The following RBFOX3 variants were observed in gnomAD, a reference collection of about 807,000 sequenced individuals.
RBFOX3 encodes RNA binding fox-1 homolog 3, also known as RNA binding protein fox-1 homolog 3.
In RBFOX3, 17 loss-of-function variants were observed where a neutral mutation model predicts 48.7. The observed-to-expected ratio is 0.35, with a 90% CI of 0.24 to 0.52. The LOEUF is 0.52. RBFOX3 is among the 20% of genes least tolerant of loss of function. The probability of loss-of-function intolerance (pLI) is 0.94; values close to 1 mark genes in which losing one functional copy is unlikely to be tolerated. For synonymous variants in RBFOX3, 212 were observed against 209.5 expected, an observed-to-expected ratio of 1.01 and a Z score of -0.10; for missense variants, 382 against 497.5, an observed-to-expected ratio of 0.77 and a Z score of 2.21.
chr17:79,097,667 A>AAACC, intron 10 of RBFOX3, 25 bp downstream of exon 10: 1 of 1,031,802 alleles, frequency 9.7e-7, no homozygotes, highest in Non-Finnish European at 1.3e-6. Flanking sequence ...GTCTCATCCC[A>AAACC]TCCCCGCCCC....
the RBFOX3 span, among the ~76,000 whole-genome samples, chr17:79,623,567 C>T: frequency 6.6e-6 from 1 of 152,254 alleles, no homozygotes; most frequent in East Asian, 1.9e-4. Context: ...AATCCCAGCA[C>T]TTTGGGAGGC....
In RBFOX3 at chr17:79,328,693, G is replaced by A. The variant is rs2079726590; in HGVS notation, c.-174-20869C>T. Among the ~76,000 whole-genome samples the A allele has an allele frequency of 3.3e-5, 5 of 152,310 alleles. No individual in the cohort carries two copies. The South Asian group carries it at 1.0e-3, about 32-fold the overall frequency. On this transcript the variant is annotated intron_variant, in intron 2 of 14. Coordinates refer to ENST00000693108, the MANE Select transcript of RBFOX3 (RefSeq NM_001350451.2). ...CCAGGCTTTGAGACCCAAGCAAACT[G>A]CTGGCAACAGAGCGATGGAAGGGGG...
intron 2 of RBFOX3, among the ~76,000 whole-genome samples, chr17:79,330,314 T>C (rs546340460): frequency 1.3e-5 from 2 of 152,308 alleles, no homozygotes; most frequent in East Asian, 1.9e-4. Context: ...TTCACTGCCA[T>C]GCAGGGGCTT....
At chr17:79,463,264 C>T (rs2075723109) in intron 2 of RBFOX3, among the ~76,000 whole-genome samples, 1 of 106,660 alleles carries the variant, frequency 9.4e-6, no homozygotes, top group East Asian at 3.0e-4. Context: ...CCTCCACCAT[C>T]GCCACTGCCA....
At chr17:79,296,708 T>A (rs2074400900) in intron 3 of RBFOX3, among the ~76,000 whole-genome samples, 1 of 137,610 alleles carries the variant, frequency 7.3e-6, no homozygotes, top group Non-Finnish European at 1.6e-5. Context: ...TCTTCCTTTT[T>A]TCCTCTTTCT....
intron 4 of RBFOX3, among the ~76,000 whole-genome samples, chr17:79,119,837 G>C (rs976487214): frequency 6.6e-6 from 1 of 152,174 alleles, no homozygotes; most frequent in African/African-American, 2.4e-5. Flanking sequence ...GTCACCTAGA[G>C]AAGTGTCCAC....
intron 1 of RBFOX3, among the ~76,000 whole-genome samples, chr17:79,543,991 C>T (rs782308298): frequency 3.9e-5 from 6 of 152,178 alleles, no homozygotes; most frequent in Non-Finnish European, 5.9e-5. Context: ...AAGGGAAACT[C>T]GTGCCTAGGA....
intron 1 of RBFOX3, among the ~76,000 whole-genome samples, chr17:79,580,604 C>A (rs1422504808): frequency 3.9e-5 from 6 of 152,274 alleles, no homozygotes; most frequent in African/African-American, 9.6e-5. Flanking sequence ...GCTGCAGTAA[C>A]AAACAGCTGC....
chr17:79,101,381 G>A (rs1207489607), intron 9 of RBFOX3, among the ~76,000 whole-genome samples: 1 of 152,300 alleles, frequency 6.6e-6, no homozygotes, highest in East Asian at 1.9e-4. Flanking sequence ...CATGAGAGGG[G>A]TGAGTGGCCC....
At chr17:79,626,520 C>T in the RBFOX3 span, among the ~76,000 whole-genome samples, 3 of 152,234 alleles carry the variant, frequency 2.0e-5, no homozygotes, top group Non-Finnish European at 4.4e-5. Context: ...AGGATTCTCA[C>T]GGCCCCATCT....
intron 3 of RBFOX3, among the ~76,000 whole-genome samples, chr17:79,297,422 G>A (rs2074574631): frequency 6.6e-6 from 1 of 152,174 alleles, no homozygotes; most frequent in African/African-American, 2.4e-5. Context: ...AACTAGTAGA[G>A]CAGGTGAGAT....
At position 79,477,342 on chromosome 17, in the gene RBFOX3, G is replaced by A. The variant is rs1343468958; in HGVS notation, c.-175+5112C>T. On this transcript the variant is annotated intron_variant, in intron 2 of 14. Coordinates refer to ENST00000693108, the MANE Select transcript of RBFOX3 (RefSeq NM_001350451.2). The surrounding 1 kb of genome is among the most constrained non-coding windows in gnomAD (Gnocchi z 4.8). ...GAGGCCAAGGCAGGTGGATCACGAG[G>A]TCAGGAGATCGAGATCATCCTGGCT... Among the ~76,000 whole-genome samples, 1 of 151,068 alleles carries A rather than the reference G, an allele frequency of 6.6e-6. No individual in the cohort carries two copies. The highest frequency in any genetic ancestry group is 1.5e-5 in the Non-Finnish European group (1 of 67,866).
chr17:79,440,212 T>C (rs782590269), intron 2 of RBFOX3, among the ~76,000 whole-genome samples: 3 of 152,228 alleles, frequency 2.0e-5, no homozygotes, highest in Non-Finnish European at 4.4e-5. Flanking sequence ...TGTTTACCTG[T>C]TATCAGGGTT....
intron 2 of RBFOX3, among the ~76,000 whole-genome samples, chr17:79,466,073 G>A (rs1324205594): frequency 1.3e-5 from 2 of 152,212 alleles, no homozygotes; most frequent in African/African-American, 2.4e-5. Context: ...CAAAGTGCAT[G>A]TGTGGAGACA....
chr17:79,631,181 C>T, the RBFOX3 span, among the ~76,000 whole-genome samples: 1 of 152,166 alleles, frequency 6.6e-6, no homozygotes, highest in Non-Finnish European at 1.5e-5. Flanking sequence ...GAAACCTCCC[C>T]AGGCGGCTCC....
intron 1 of RBFOX3, among the ~76,000 whole-genome samples, chr17:79,587,885 G>C (rs980981455): frequency 0.019 from 2,859 of 152,254 alleles, 116 homozygotes; most frequent in East Asian, 0.15. Context: ...CACCCAGGCT[G>C]GAGTGCAGTG....
chr17:79,426,003 A>G (rs1314490982), intron 2 of RBFOX3, among the ~76,000 whole-genome samples: 1 of 152,024 alleles, frequency 6.6e-6, no homozygotes, highest in Non-Finnish European at 1.5e-5. Flanking sequence ...GGAATCACGG[A>G]GAGTGTGGAG....
intron 4 of RBFOX3, among the ~76,000 whole-genome samples, chr17:79,179,359 C>A (rs967280770): frequency 6.6e-6 from 1 of 152,210 alleles, no homozygotes; most frequent in East Asian, 1.9e-4. Context: ...CGCTCGGAAA[C>A]GCCGCATCCT....
intron 2 of RBFOX3, among the ~76,000 whole-genome samples, chr17:79,414,721 G>A (rs2065026219): frequency 1.3e-5 from 2 of 152,212 alleles, no homozygotes; most frequent in African/African-American, 2.4e-5. Context: ...CAAGAGGATG[G>A]GCACCTGGGA....
Sources: gnomAD v4.1 joint callset for allele counts (sites outside exome capture counted in the v4.1 genomes callset) on GRCh38, gnomAD v4.1.1 for gene constraint, Gnocchi (gnomAD v3.1) non-coding constraint, MANE v1.5 for transcripts, NCBI Gene and HGNC (gene_info 2026-07-23, HGNC 2026-07-21) for gene names.